ZBTB7C: variants seen among roughly 807,000 people sequenced by gnomAD.
ZBTB7C encodes zinc finger and BTB domain containing 7C.
In ZBTB7C, 8 loss-of-function variants were observed where a neutral mutation model predicts 25.7. The ratio of observed to expected loss-of-function variants is 0.31; its 90% CI spans 0.18 to 0.56. The LOEUF (loss-of-function observed/expected upper bound fraction) is 0.56, where lower values mean the gene tolerates loss of function less well. Among genes scored for constraint, ZBTB7C ranks in the 20% least tolerant of loss-of-function variants. ZBTB7C has a pLI of 0.91. For synonymous variants in ZBTB7C, 394 were observed against 369.0 expected, an observed-to-expected ratio of 1.07 and a Z score of -0.78; for missense variants, 824 against 855.2, an observed-to-expected ratio of 0.96 and a Z score of 0.46.
At chr18:48,411,769 G>C (rs1463819087), upstream of ZBTB7C, among the ~76,000 whole-genome samples, 1 of 152,224 alleles carries the variant, frequency 6.6e-6, no homozygotes, top group Non-Finnish European at 1.5e-5. Context: ...AAAGAGTCTA[G>C]TAAATAGTAA....
At chr18:48,221,671 C>T (rs913309709) in intron 2 of ZBTB7C, among the ~76,000 whole-genome samples, 7 of 150,722 alleles carry the variant, frequency 4.6e-5, no homozygotes, top group Non-Finnish European at 1.0e-4. Flanking sequence ...TTATACTGTC[C>T]TAGTCTCCTC....
chr18:48,117,818 T>G (rs369030934), intron 3 of ZBTB7C, among the ~76,000 whole-genome samples: 1 of 152,176 alleles, frequency 6.6e-6, no homozygotes, highest in East Asian at 1.9e-4. Flanking sequence ...CACCAATTTC[T>G]ATTCCTTCCA....
chr18:48,135,564 G>T (rs2040124891), intron 3 of ZBTB7C, among the ~76,000 whole-genome samples: 1 of 152,128 alleles, frequency 6.6e-6, no homozygotes, highest in African/African-American at 2.4e-5. Flanking sequence ...ATGCAGCCCA[G>T]GTTGTGCCTT....
intron 3 of ZBTB7C, among the ~76,000 whole-genome samples, chr18:48,067,029 G>A (rs901575190): frequency 4.6e-5 from 7 of 152,218 alleles, no homozygotes; most frequent in Admixed American, 3.3e-4. Flanking sequence ...TTGAGCCCAG[G>A]AGGTGGAGGT....
chr18:48,116,867 C>A (rs1345911758), intron 3 of ZBTB7C, among the ~76,000 whole-genome samples: 2 of 152,174 alleles, frequency 1.3e-5, no homozygotes, highest in Non-Finnish European at 2.9e-5. Context: ...AACTAGTTCT[C>A]CTGTCACGCT....
At chr18:48,233,782 T>C (rs1291476656) in intron 2 of ZBTB7C, among the ~76,000 whole-genome samples, 2 of 152,206 alleles carry the variant, frequency 1.3e-5, no homozygotes, top group African/African-American at 4.8e-5. Context: ...GGGAAATGTT[T>C]AGGTAAATTA....
chr18:48,313,067 T>A (rs2045860805), intron 2 of ZBTB7C, among the ~76,000 whole-genome samples: 2 of 152,242 alleles, frequency 1.3e-5, no homozygotes, highest in Non-Finnish European at 2.9e-5. Flanking sequence ...GTTCATCTGA[T>A]CCTCCTTTTG....
At chr18:48,199,229 C>T (rs1404504086) in intron 2 of ZBTB7C, among the ~76,000 whole-genome samples, 1 of 152,198 alleles carries the variant, frequency 6.6e-6, no homozygotes, top group Non-Finnish European at 1.5e-5. Flanking sequence ...GCCATTCATT[C>T]TCGCAGTCTG....
Position 48,361,473 on chromosome 18 carries a change from A to T in ZBTB7C, c.-303-23075T>A, listed in dbSNP as rs189674979. Among the ~76,000 whole-genome samples, 5 of 152,184 alleles carry T rather than the reference A, an allele frequency of 3.3e-5. No homozygotes were observed. The East Asian group carries it at 9.7e-4, about 29-fold the overall frequency. On this transcript the variant is annotated intron_variant, in intron 1 of 4. Coordinates refer to ENST00000590800, the MANE Select transcript of ZBTB7C (RefSeq NM_001318841.2). ...TTTGCTAAACATAGAAATCTAATGCACTCTTTTATTTGACATTGCCAAATA... is the reference window on the plus strand; with the variant it reads ...TTTGCTAAACATAGAAATCTAATGCTCTCTTTTATTTGACATTGCCAAATA...
At chr18:48,256,623 A>AT (rs1251156355) in intron 2 of ZBTB7C, among the ~76,000 whole-genome samples, 2 of 151,920 alleles carry the variant, frequency 1.3e-5, no homozygotes, top group African/African-American at 4.8e-5. Flanking sequence ...TTATATCTGT[A>AT]TTTTAAAAGA....
chr18:48,200,748 C>T (rs1319185599), intron 2 of ZBTB7C, among the ~76,000 whole-genome samples: 1 of 152,232 alleles, frequency 6.6e-6, no homozygotes, highest in Non-Finnish European at 1.5e-5. Context: ...CTCGTCCCAG[C>T]TCAGACTCCA....
chr18:48,312,559 C>T (rs1042647591), intron 2 of ZBTB7C, among the ~76,000 whole-genome samples: 6 of 152,176 alleles, frequency 3.9e-5, no homozygotes, highest in Non-Finnish European at 5.9e-5. Context: ...CCAGCTCTGC[C>T]GCTTTCCAGC....
intron 2 of ZBTB7C, among the ~76,000 whole-genome samples, chr18:48,201,866 G>A (rs1322357652): frequency 1.3e-5 from 2 of 152,168 alleles, no homozygotes; most frequent in African/African-American, 4.8e-5. Flanking sequence ...CCAGAGAGCT[G>A]CATAAATCCA....
intron 3 of ZBTB7C, among the ~76,000 whole-genome samples, chr18:48,163,996 G>A (rs779324234): frequency 1.3e-5 from 2 of 152,180 alleles, no homozygotes; most frequent in Non-Finnish European, 1.5e-5. Flanking sequence ...CAGGCTCCAC[G>A]AAGAGTCCAA....
intron 2 of ZBTB7C, among the ~76,000 whole-genome samples, chr18:48,205,681 C>T (rs1376277702): frequency 6.6e-6 from 1 of 151,916 alleles, no homozygotes. Context: ...CCATATTCTG[C>T]AACAACCAGA....
At chr18:48,180,810 A>G (rs763978971) in intron 3 of ZBTB7C, among the ~76,000 whole-genome samples, 4 of 152,316 alleles carry the variant, frequency 2.6e-5, no homozygotes, top group Non-Finnish European at 5.9e-5. Context: ...ACAAAGATAT[A>G]ATTATTATTA....
intron 3 of ZBTB7C, among the ~76,000 whole-genome samples, chr18:48,125,789 G>A (rs1327734839): frequency 6.6e-6 from 1 of 152,204 alleles, no homozygotes; most frequent in Non-Finnish European, 1.5e-5. Context: ...AACCCTGCCT[G>A]GGCAGCCCCA....
At chr18:48,124,944 G>A (rs1369617741) in intron 3 of ZBTB7C, among the ~76,000 whole-genome samples, 3 of 152,144 alleles carry the variant, frequency 2.0e-5, no homozygotes, top group Non-Finnish European at 4.4e-5. Context: ...GGCAGGAGCA[G>A]CAACTGCTGA....
rs745970058 is a variant in ZBTB7C, at chr18:48,029,655, C to T, written c.1465G>A (p.Ala489Thr). 3.2e-6 allele frequency: 5 copies of T among 1,550,194 alleles called. No individual in the cohort carries two copies. Among genetic ancestry groups the T allele is most frequent in the Non-Finnish European group, 4.3e-6 (5 of 1,154,838 alleles). The change falls in exon 5 of 5, where the codon GCC becomes ACC. Residue 489 changes from alanine to threonine, a missense_variant. This residue lies in a region of ZBTB7C where 342 missense variants were observed against 307.0 expected (regional missense o/e 1.11). Transcript: ENST00000590800. ...RGRKPAAWRA[A>T]SLLFGPGGPA... The stretch of plus-strand genomic sequence containing the variant: ...CCGCCGGGCCCGAAGAGCAGGCTGG[C>T]GGCCCTCCACGCAGCAGGCTTGCGG...
Sources: gnomAD v4.1 joint callset for allele counts (sites outside exome capture counted in the v4.1 genomes callset) on GRCh38, gnomAD v4.1.1 for gene constraint, gnomAD v4.1.1 regional missense constraint, MANE v1.5 for transcripts, NCBI Gene and HGNC (gene_info 2026-07-23, HGNC 2026-07-21) for gene names.